The following MGAT4A variants were observed in gnomAD, a reference collection of about 807,000 sequenced individuals.
The protein encoded by MGAT4A is N-acetylglucosaminyltransferase IVa.
In MGAT4A, 33 loss-of-function variants were observed where a neutral mutation model predicts 74.1. The observed-to-expected ratio is 0.45, with a 90% CI of 0.34 to 0.60. The LOEUF is 0.60. Ranked by LOEUF, MGAT4A falls within the 20% of genes least tolerant of loss-of-function variation. The pLI, the probability that MGAT4A is intolerant of heterozygous loss-of-function variation, is 0.02. For missense variants in MGAT4A, 479 were observed against 628.3 expected (o/e 0.76, Z 2.54); for synonymous variants, 198 against 210.4 (o/e 0.94, Z 0.51).
intron 8 of MGAT4A, among the ~76,000 whole-genome samples, chr2:98,648,282 T>C (rs1383836621): frequency 6.6e-6 from 1 of 152,184 alleles, no homozygotes; most frequent in Non-Finnish European, 1.5e-5. Context: ...GTGGATCACT[T>C]GAGGTCAGGA....
At chr2:98,656,073 C>T in intron 7 of MGAT4A, 1 of 356,794 alleles carries the variant, frequency 2.8e-6, no homozygotes, top group Non-Finnish European at 5.1e-6. Flanking sequence ...CAGTATTAAA[C>T]CCTGTCAGTG....
intron 14 of MGAT4A, among the ~76,000 whole-genome samples, chr2:98,629,739 C>T (rs1391608439): frequency 1.3e-5 from 2 of 151,934 alleles, no homozygotes; most frequent in Non-Finnish European, 2.9e-5. Context: ...TTTCTTCAGT[C>T]GAAGAAAAAA....
intron 2 of MGAT4A, among the ~76,000 whole-genome samples, chr2:98,713,208 AAG>A (rs1559175254): frequency 3.8e-5 from 5 of 130,154 alleles, no homozygotes; most frequent in African/African-American, 1.7e-4. Context: ...AAAAAAAAAA[AAG>A]CCGTTTATCT....
intron 1 of MGAT4A, among the ~76,000 whole-genome samples, chr2:98,729,620 C>G (rs1473491653): frequency 6.6e-6 from 1 of 152,216 alleles, no homozygotes; most frequent in Non-Finnish European, 1.5e-5. Context: ...CTCTAGACAT[C>G]AGACTGTTTT....
At chr2:98,641,930 G>C (rs541523639) in intron 10 of MGAT4A, among the ~76,000 whole-genome samples, 2 of 151,934 alleles carry the variant, frequency 1.3e-5, no homozygotes, top group Middle Eastern at 3.4e-3. Context: ...GGGGGGCAGA[G>C]GCTACAGTGG....
intron 14 of MGAT4A, among the ~76,000 whole-genome samples, chr2:98,626,670 T>C (rs1701149496): frequency 6.6e-6 from 1 of 152,194 alleles, no homozygotes; most frequent in Admixed American, 6.5e-5. Flanking sequence ...GGAAATTCAA[T>C]ATATAATGAT....
intron 3 of MGAT4A, 55 bp downstream of exon 3, chr2:98,678,249 A>AAAAT (rs67023324): frequency 1.3e-4 from 33 of 263,818 alleles, no homozygotes; most frequent in African/African-American, 7.7e-4. Flanking sequence ...AAAAAAAAAA[A>AAAAT]ATATATATAT....
At chr2:98,703,477 T>C (rs1387231872) in intron 2 of MGAT4A, among the ~76,000 whole-genome samples, 1 of 152,040 alleles carries the variant, frequency 6.6e-6, no homozygotes, top group African/African-American at 2.4e-5. Flanking sequence ...GAAAAAAATA[T>C]ATGAAAAAGT....
chr2:98,710,160 T>C (rs1353449729), intron 2 of MGAT4A, among the ~76,000 whole-genome samples: 1 of 152,178 alleles, frequency 6.6e-6, no homozygotes. Context: ...AACTAGGATC[T>C]TAAGACATAG....
At position 98,655,520 on chromosome 2, in the gene MGAT4A, T is replaced by C; in HGVS notation, c.699A>G (p.Arg233=). The part of the protein sequence containing the change: ...ETFGDSKERV[R]WRTKQNLDYC... ...AATCTAGGTTTTGCTTTGTTCTCCA[T>C]CTGAAATAAACATTTTCAAAAAGTA... Residue 233 remains arginine (R), a splice_region_variant and synonymous_variant, in exon 8 of 16, where the codon AGA becomes AGG. Coordinates refer to ENST00000393487, the MANE Select transcript of MGAT4A (RefSeq NM_012214.3). 6.2e-7 allele frequency: 1 copy of C among 1,603,238 alleles called. No individual in the cohort carries two copies. The highest frequency in any genetic ancestry group is 8.5e-7 in the Non-Finnish European group (1 of 1,172,864).
At chr2:98,718,147 A>G (rs1347719145) in intron 2 of MGAT4A, among the ~76,000 whole-genome samples, 2 of 152,184 alleles carry the variant, frequency 1.3e-5, no homozygotes, top group Non-Finnish European at 2.9e-5. Flanking sequence ...TCAAAGGTAC[A>G]CATTTTCTCC....
At chr2:98,639,648 T>G (rs890615065) in intron 12 of MGAT4A, among the ~76,000 whole-genome samples, 160 bp downstream of exon 12, 1 of 152,170 alleles carries the variant, frequency 6.6e-6, no homozygotes, top group Admixed American at 6.5e-5. Flanking sequence ...AACATACTCG[T>G]TTTATTATGG....
At chr2:98,665,679 T>C (rs1358190697) in intron 4 of MGAT4A, among the ~76,000 whole-genome samples, 1 of 152,264 alleles carries the variant, frequency 6.6e-6, no homozygotes, top group Non-Finnish European at 1.5e-5. Flanking sequence ...GGGAAAAAGA[T>C]TTAAAATATA....
chr2:98,678,689 T>C (rs962453503), intron 2 of MGAT4A, among the ~76,000 whole-genome samples: 1 of 152,148 alleles, frequency 6.6e-6, no homozygotes, highest in African/African-American at 2.4e-5. Context: ...ATTATTATTA[T>C]GCTCTTATTA....
chr2:98,716,706 G>A (rs1006759033), intron 2 of MGAT4A, among the ~76,000 whole-genome samples: 5 of 152,184 alleles, frequency 3.3e-5, no homozygotes, highest in African/African-American at 1.2e-4. Flanking sequence ...TGCTATCCAT[G>A]GGGGATAGGT....
Position 98,625,387 on chromosome 2 carries a change from T to C in MGAT4A, c.*179A>G. The C allele has an allele frequency of 7.0e-7, 1 of 1,425,100 alleles. No individual in the cohort carries two copies. Among genetic ancestry groups the C allele is most frequent in the Non-Finnish European group, 9.2e-7 (1 of 1,090,756 alleles). 88.3% of individuals were successfully genotyped at this position (1,425,100 alleles called of 1,614,324 possible). ...GTCAAGTTAAAATCTGAGGACAGCT[T>C]AGTTTCAAACAAATACAATTATTAT... On this transcript the variant is annotated 3_prime_UTR_variant, in exon 16 of 16. Coordinates refer to ENST00000393487, the MANE Select transcript of MGAT4A (RefSeq NM_012214.3).
chr2:98,697,392 A>C (rs1007937722), intron 2 of MGAT4A, among the ~76,000 whole-genome samples: 1 of 152,158 alleles, frequency 6.6e-6, no homozygotes, highest in Non-Finnish European at 1.5e-5. Flanking sequence ...GTTAGGGATG[A>C]TGGGGGATGC....
intron 2 of MGAT4A, among the ~76,000 whole-genome samples, chr2:98,688,588 C>T (rs899887683): frequency 1.3e-5 from 2 of 152,154 alleles, no homozygotes; most frequent in Admixed American, 6.6e-5. Context: ...ACAACTAAAC[C>T]GAAAAGCCCA....
intron 2 of MGAT4A, among the ~76,000 whole-genome samples, chr2:98,715,692 A>G (rs1045621879): frequency 5.7e-4 from 87 of 152,184 alleles, no homozygotes; most frequent in African/African-American, 1.2e-4. Context: ...ATTAATGGGT[A>G]TAATACCTGG....
Sources: allele counts gnomAD v4.1 joint callset (sites outside exome capture counted in the v4.1 genomes callset), GRCh38; gene constraint gnomAD v4.1.1; transcripts MANE v1.5; gene names NCBI Gene and HGNC (gene_info 2026-07-23, HGNC 2026-07-21).